The following DIP2C variants were observed in gnomAD, a reference collection of about 807,000 sequenced individuals.
DIP2C encodes the protein disco-interacting protein 2 homolog C.
A neutral mutation model predicts 192.4 loss-of-function variants in DIP2C; 33 were observed. The observed-to-expected ratio is 0.17, with a 90% CI of 0.13 to 0.23. The LOEUF (loss-of-function observed/expected upper bound fraction) is 0.23, where lower values mean the gene tolerates loss of function less well. DIP2C is among the 10% of genes least tolerant of loss of function. The pLI, the probability that DIP2C is intolerant of heterozygous loss-of-function variation, is 1.00. For missense variants in DIP2C, 1,537 were observed against 2,110.1 expected (o/e 0.73, Z 5.32); for synonymous variants, 979 against 864.1 (o/e 1.13, Z -2.33).
At chr10:384,298 T>C (rs1385383923) in intron 15 of DIP2C, 152 bp from the exon 16 acceptor site, 3 of 885,334 alleles carry the variant, frequency 3.4e-6, no homozygotes, top group Non-Finnish European at 4.7e-6. Flanking sequence ...TTTTTTTTTT[T>C]TGTGATCTTG....
At chr10:641,376 G>A (rs895055636) in intron 1 of DIP2C, among the ~76,000 whole-genome samples, 4 of 152,120 alleles carry the variant, frequency 2.6e-5, no homozygotes, top group Non-Finnish European at 4.4e-5. Context: ...CGAGGGCACC[G>A]GCCCGCACAT....
chr10:567,178 G>A (rs551967965), intron 1 of DIP2C, among the ~76,000 whole-genome samples: 1 of 141,332 alleles, frequency 7.1e-6, no homozygotes, highest in African/African-American at 3.1e-5. Context: ...CCGGTTTTGG[G>A]GGGTTTTTTG....
chr10:326,894 C>CT (rs931901920), intron 31 of DIP2C, 112 bp downstream of exon 31: 8 of 1,331,590 alleles, frequency 6.0e-6, no homozygotes, highest in Non-Finnish European at 6.1e-6. Context: ...TGAAAGATCT[C>CT]TTCTGGATGT....
intron 3 of DIP2C, among the ~76,000 whole-genome samples, chr10:461,122 CTG>C (rs1969740076): frequency 6.6e-6 from 1 of 152,226 alleles, no homozygotes; most frequent in Admixed American, 6.5e-5. Context: ...ACCACTGACA[CTG>C]TGAAGAAACT....
intron 1 of DIP2C, among the ~76,000 whole-genome samples, chr10:535,355 A>C (rs1483135954): frequency 1.3e-5 from 2 of 150,644 alleles, no homozygotes; most frequent in Non-Finnish European, 2.9e-5. Context: ...CTCTCATCTG[A>C]CATGCTCCGG....
intron 1 of DIP2C, among the ~76,000 whole-genome samples, chr10:517,831 T>C (rs1846455589): frequency 6.6e-6 from 1 of 152,182 alleles, no homozygotes; most frequent in Non-Finnish European, 1.5e-5. Flanking sequence ...TCTCATCTGG[T>C]GCTTTTTAAC....
chr10:593,419 C>T (rs1354962448), intron 1 of DIP2C, among the ~76,000 whole-genome samples: 1 of 151,782 alleles, frequency 6.6e-6, no homozygotes, highest in Non-Finnish European at 1.5e-5. Context: ...CACACCTCAC[C>T]CCCGCTGTCT....
chr10:309,745 T>A (rs979237574), intron 32 of DIP2C, among the ~76,000 whole-genome samples: 1 of 151,954 alleles, frequency 6.6e-6, no homozygotes. Context: ...GAGACGGGGC[T>A]TTACCATGTT....
chr10:370,120 T>C (rs1960786701), intron 17 of DIP2C: 1 of 877,200 alleles, frequency 1.1e-6, no homozygotes, highest in Non-Finnish European at 1.4e-6. Flanking sequence ...AGATGCAGAC[T>C]GCCTGGGCGT....
intron 1 of DIP2C, among the ~76,000 whole-genome samples, chr10:515,767 T>C (rs906290446): frequency 4.6e-5 from 7 of 152,074 alleles, no homozygotes; most frequent in African/African-American, 1.4e-4. Flanking sequence ...GAAAAAGCTA[T>C]GAGCACCGCC....
At chr10:568,836 G>A (rs1409218125) in intron 1 of DIP2C, among the ~76,000 whole-genome samples, 1 of 140,168 alleles carries the variant, frequency 7.1e-6, no homozygotes, top group South Asian at 2.4e-4. Flanking sequence ...GGCTCTGCCT[G>A]ATCGTTTCTG....
At chr10:550,293 A>T (rs1435606804) in intron 1 of DIP2C, among the ~76,000 whole-genome samples, 1 of 151,998 alleles carries the variant, frequency 6.6e-6, no homozygotes, top group African/African-American at 2.4e-5. Flanking sequence ...TACAGGTATG[A>T]GCCACAGTGC....
chr10:303,306 G>A (rs914928788), intron 32 of DIP2C, among the ~76,000 whole-genome samples: 27 of 152,308 alleles, frequency 1.8e-4, no homozygotes, highest in South Asian at 1.0e-3. Context: ...ATCACCGCAC[G>A]TGGCTGTAGA....
chr10:494,956 G>GAC (rs1844707297), intron 1 of DIP2C, among the ~76,000 whole-genome samples: 1 of 152,172 alleles, frequency 6.6e-6, no homozygotes, highest in Non-Finnish European at 1.5e-5. Context: ...CAGCACTATT[G>GAC]ACAATCACTT....
rs1285137114 is a variant in DIP2C, at chr10:382,636, T to A, written c.1991+11A>T. On this transcript the variant is annotated intron_variant, in intron 17 of 36. Coordinates refer to ENST00000280886, the MANE Select transcript of DIP2C (RefSeq NM_014974.3). Reference sequence around the variant, plus strand: ...TCTAGGTTATCTACGTAAATCAACATGACCCAGTACCTCCGGATGGCCACA... The same window carrying A: ...TCTAGGTTATCTACGTAAATCAACAAGACCCAGTACCTCCGGATGGCCACA... 5 of 1,605,512 alleles carry A rather than the reference T, an allele frequency of 3.1e-6. No homozygotes were observed. Among genetic ancestry groups the A allele is most frequent in the African/African-American group, 2.7e-5 (2 of 74,778 alleles).
At chr10:362,411 T>C in intron 22 of DIP2C, 79 bp downstream of exon 22, 1 of 1,496,986 alleles carries the variant, frequency 6.7e-7, no homozygotes, top group Non-Finnish European at 9.0e-7. Context: ...CAGCCCTGGG[T>C]GAACTCCCGC....
intron 1 of DIP2C, among the ~76,000 whole-genome samples, chr10:643,212 C>T (rs1855289039): frequency 9.4e-6 from 1 of 106,752 alleles, no homozygotes; most frequent in African/African-American, 4.1e-5. Flanking sequence ...AGTGAGACTC[C>T]GTCTCAAAAA....
In DIP2C at chr10:408,979, T is replaced by C. The variant is rs921460668; in HGVS notation, c.1096A>G (p.Ile366Val). 3 of 1,614,098 alleles carry C rather than the reference T, an allele frequency of 1.9e-6. No homozygotes were observed. The African/African-American group carries it at 4.0e-5, about 22-fold the overall frequency. ...WTRSMKVAYS[I>V]LHKLGTKQEP... ...TGCTTTGTGCCTAATTTGTGTAGAA[T>C]GCTGTAAGCGACCTTCATACTTCTT... The change falls in exon 9 of 37, where the codon ATT (isoleucine) becomes GTT (valine). Residue 366 changes from isoleucine (I) to valine (V), a missense_variant. Coordinates refer to ENST00000280886, the MANE Select transcript of DIP2C (RefSeq NM_014974.3).
At chr10:626,781 G>A (rs1247726965) in intron 1 of DIP2C, among the ~76,000 whole-genome samples, 1 of 152,122 alleles carries the variant, frequency 6.6e-6, no homozygotes, top group Non-Finnish European at 1.5e-5. Flanking sequence ...AGGAAGGATG[G>A]AACACCCCAC....
Sources: allele counts gnomAD v4.1 joint callset (sites outside exome capture counted in the v4.1 genomes callset), GRCh38; gene constraint gnomAD v4.1.1; transcripts MANE v1.5; gene names NCBI Gene and HGNC (gene_info 2026-07-23, HGNC 2026-07-21).